The following ARSK variants were observed in gnomAD, a reference collection of about 807,000 sequenced individuals.
ARSK encodes arylsulfatase K.
Under a neutral mutation model 53.2 loss-of-function variants are expected in ARSK, and 37 were observed. The ratio of observed to expected loss-of-function variants is 0.70; its 90% CI spans 0.54 to 0.92. The LOEUF (loss-of-function observed/expected upper bound fraction) is 0.92. Ranked by LOEUF, ARSK falls within the 40% of genes least tolerant of loss-of-function variation. The probability of loss-of-function intolerance (pLI) is 0.00; values close to 1 mark genes in which losing one functional copy is unlikely to be tolerated. For missense variants in ARSK, 613 were observed against 643.0 expected (o/e 0.95, Z 0.51); for synonymous variants, 208 against 223.2 (o/e 0.93, Z 0.61).
At chr5:95,598,748 C>G (rs1019344086) in intron 6 of ARSK, among the ~76,000 whole-genome samples, 1 of 152,186 alleles carries the variant, frequency 6.6e-6, no homozygotes, top group Non-Finnish European at 1.5e-5. Flanking sequence ...CAACTCATCT[C>G]TTATAATTTT....
At position 95,591,491 on chromosome 5, in the gene ARSK, A is replaced by G; in HGVS notation, c.962A>G (p.His321Arg). Residue 321 changes from histidine to arginine, a missense_variant, in exon 6 of 8, where the codon CAT becomes CGT. By Grantham distance (29) the His-to-Arg change is conservative. Transcript: ENST00000380009. ...SSDHGELAME[H>R]RQFYKMSMYE... ...GACCATGGAGAGCTGGCCATGGAACATCGACAGTTTTATAAAATGAGCATG... is the reference window on the plus strand; with the variant it reads ...GACCATGGAGAGCTGGCCATGGAACGTCGACAGTTTTATAAAATGAGCATG... 6.2e-7 allele frequency: 1 copy of G among 1,614,140 alleles called. No homozygotes were observed. Among genetic ancestry groups the G allele is most frequent in the Non-Finnish European group, 8.5e-7 (1 of 1,180,004 alleles).
intron 5 of ARSK, among the ~76,000 whole-genome samples, chr5:95,588,732 G>A (rs1221809626): frequency 6.6e-6 from 1 of 152,000 alleles, no homozygotes; most frequent in African/African-American, 2.4e-5. Context: ...GGGAGGCCGA[G>A]GCAAGCGGAT....
rs1223083080 is a variant in ARSK at position 95,566,092 on chromosome 5, A to C, written c.221A>C (p.Tyr74Ser). ...CGTGGGACTTCCTTTCTGAATGCCT[A>C]CACAAACTCTCCAATTTGTTGCCCA... is the stretch of plus-strand genomic sequence containing the variant. The part of the protein sequence containing the change: ...KTRGTSFLNA[Y>S]TNSPICCPSR... Residue 74 changes from tyrosine (Y) to serine (S), a missense_variant, in exon 2 of 8, where the codon TAC (tyrosine) becomes TCC (serine). Tyr to Ser is a moderately radical substitution (Grantham distance 144). Transcript: ENST00000380009. 1 of 1,613,768 alleles carries C rather than the reference A, an allele frequency of 6.2e-7. No individual in the cohort carries two copies. Among genetic ancestry groups the C allele is most frequent in the Non-Finnish European group, 8.5e-7 (1 of 1,179,878 alleles).
Position 95,586,632 on chromosome 5 carries a change from C to T in ARSK, c.770C>T (p.Ser257Phe), listed in dbSNP as rs1450049745. 23 of 1,611,256 alleles carry T rather than the reference C, an allele frequency of 1.4e-5. No individual in the cohort carries two copies. Among genetic ancestry groups the T allele is most frequent in the Non-Finnish European group, 1.7e-5 (20 of 1,178,574 alleles). ...LSEMHPVDYYSSYTKNCTGRF... is the reference protein window; with the variant it reads ...LSEMHPVDYYFSYTKNCTGRF... ...GAAATGCACCCTGTAGATTATTACT[C>T]TTCTTATACAAAAAACTGCACTGGA... Residue 257 changes from serine to phenylalanine, a missense_variant, in exon 5 of 8, where the codon TCT becomes TTT. Coordinates refer to ENST00000380009, the MANE Select transcript of ARSK (RefSeq NM_198150.3).
At chr5:95,557,388 G>T (rs1193063154) in intron 1 of ARSK, among the ~76,000 whole-genome samples, 2 of 152,072 alleles carry the variant, frequency 1.3e-5, no homozygotes, top group East Asian at 3.8e-4. Flanking sequence ...TTTATTCTTT[G>T]ATTTTTATAC....
intron 6 of ARSK, among the ~76,000 whole-genome samples, chr5:95,596,035 G>A (rs1749302430): frequency 6.6e-6 from 1 of 152,116 alleles, no homozygotes; most frequent in South Asian, 2.1e-4. Context: ...AGCATTAACA[G>A]GCAGAAACTG....
At chr5:95,603,098 A>G (rs1294518517) in intron 7 of ARSK, 139 bp from the exon 8 acceptor site, 1 of 630,350 alleles carries the variant, frequency 1.6e-6, no homozygotes, top group Non-Finnish European at 2.6e-6. Context: ...TTTACCATTT[A>G]TACTGTCCTT....
In ARSK at chr5:95,555,787, G is replaced by A. The variant is rs1207409055; in HGVS notation, c.126+383G>A. Among the ~76,000 whole-genome samples the A allele has an allele frequency of 6.6e-6, 1 of 152,142 alleles. No individual in the cohort carries two copies. The highest frequency in any genetic ancestry group is 1.5e-5 in the Non-Finnish European group (1 of 68,032). ...TTAGCTTTCCAAAAGTCATTTTCCA[G>A]TTCACCTCAAGTTTGCAGGAATTCA... On this transcript the variant is annotated intron_variant, in intron 1 of 7. Coordinates refer to ENST00000380009, the MANE Select transcript of ARSK (RefSeq NM_198150.3). This position sits in a 1 kb window ranked among gnomAD's most constrained non-coding sequence, Gnocchi z 4.0.
At position 95,555,475 on chromosome 5, in the gene ARSK, C is replaced by T; in HGVS notation, c.126+71C>T. 2.6e-6 allele frequency: 4 copies of T among 1,513,674 alleles called. No homozygotes were observed. Among genetic ancestry groups the T allele is most frequent in the East Asian group, 2.4e-5 (1 of 41,450 alleles). 93.8% of individuals were successfully genotyped at this position (1,513,674 alleles called of 1,614,324 possible). On this transcript the variant is annotated intron_variant, in intron 1 of 7. Coordinates refer to ENST00000380009, the MANE Select transcript of ARSK (RefSeq NM_198150.3). The surrounding 1 kb of genome is among the most constrained non-coding windows in gnomAD (Gnocchi z 4.0). ...GACCTCACCGCCGCCGCCTGTGCTG[C>T]AGGCTTTGGGGAGCAGAACCTGAGA...
rs373207960 is a variant in ARSK at position 95,600,822 on chromosome 5, A to C, written c.1097-25A>C. 1.8e-5 allele frequency: 28 copies of C among 1,574,734 alleles called. No homozygotes were observed. In the African/African-American group the frequency reaches 2.8e-4, roughly 16 times the overall value. On this transcript the variant is annotated intron_variant, in intron 6 of 7. Transcript: ENST00000380009. Reference sequence around the variant, plus strand: ...TAATAAAAGAATGAGCTATTTTAAGATATTTGGTTATTTTTGTTACATAGA... The same window carrying C: ...TAATAAAAGAATGAGCTATTTTAAGCTATTTGGTTATTTTTGTTACATAGA...
intron 6 of ARSK, among the ~76,000 whole-genome samples, chr5:95,596,694 C>A (rs981100041): frequency 3.3e-5 from 5 of 152,026 alleles, no homozygotes; most frequent in African/African-American, 1.2e-4. Context: ...GATGGTTATT[C>A]TACCTTCAAT....
chr5:95,561,308 C>G (rs1748632152), intron 1 of ARSK, among the ~76,000 whole-genome samples: 1 of 152,104 alleles, frequency 6.6e-6, no homozygotes, highest in South Asian at 2.1e-4. Context: ...CAACCCATAC[C>G]CTGCTGGTAG....
At chr5:95,559,740 CTGAA>C (rs953332187) in intron 1 of ARSK, among the ~76,000 whole-genome samples, 27 of 152,062 alleles carry the variant, frequency 1.8e-4, no homozygotes, top group African/African-American at 6.5e-4. Context: ...GAACTTTACA[CTGAA>C]TGGTTAAAAG....
chr5:95,590,414 G>A (rs1470983559), intron 5 of ARSK, among the ~76,000 whole-genome samples: 2 of 152,094 alleles, frequency 1.3e-5, no homozygotes, highest in Admixed American at 1.3e-4. Flanking sequence ...GAATTCGACA[G>A]TGGGCATCTA....
chr5:95,591,282 T>G lies in ARSK; in HGVS notation c.872-119T>G, dbSNP rs1749209947. On this transcript the variant is annotated intron_variant, in intron 5 of 7. Coordinates refer to ENST00000380009, the MANE Select transcript of ARSK (RefSeq NM_198150.3). ...CTTAACTTGAGAACAGTAGGTAATA[T>G]TCAGATGTTAAGAAGCATAGTGACA... 3 of 829,548 alleles carry G rather than the reference T, an allele frequency of 3.6e-6. No homozygotes were observed. The Admixed American group carries it at 7.1e-5, about 20-fold the overall frequency. 51.4% of individuals were successfully genotyped at this position (829,548 alleles called of 1,614,324 possible).
Position 95,555,502 on chromosome 5 carries a change from ATTTTC to A in ARSK, c.126+99_126+103del. 7.7e-7 allele frequency: 1 copy of A among 1,303,146 alleles called. No individual in the cohort carries two copies. The highest frequency in any genetic ancestry group is 1.5e-5 in the South Asian group (1 of 68,628). The allele number at this position is 1,303,146 out of a possible 1,614,324, so 80.7% of individuals were successfully genotyped here. ...GGCTTTGGGGAGCAGAACCTGAGACATTTTCAAACACCTTTTACCCCGATGCAAAG... is the reference window on the plus strand; with the variant it reads ...GGCTTTGGGGAGCAGAACCTGAGACAAAACACCTTTTACCCCGATGCAAAG... On this transcript the variant is annotated intron_variant, in intron 1 of 7. Coordinates refer to ENST00000380009, the MANE Select transcript of ARSK (RefSeq NM_198150.3). The surrounding 1 kb of genome is among the most constrained non-coding windows in gnomAD (Gnocchi z 4.0).
chr5:95,583,295 AT>A, intron 4 of ARSK, 97 bp downstream of exon 4: 1 of 1,192,698 alleles, frequency 8.4e-7, no homozygotes, highest in Non-Finnish European at 1.1e-6. Flanking sequence ...TTAAAGAAAA[AT>A]TTGAAAATTG....
intron 3 of ARSK, among the ~76,000 whole-genome samples, chr5:95,572,569 G>C (rs1449868230): frequency 6.6e-6 from 1 of 152,212 alleles, no homozygotes; most frequent in Non-Finnish European, 1.5e-5. Context: ...ACGAGGTCAG[G>C]AGATTGATAC....
intron 5 of ARSK, among the ~76,000 whole-genome samples, chr5:95,591,185 T>C (rs181619233): frequency 6.6e-6 from 1 of 152,164 alleles, no homozygotes; most frequent in African/African-American, 2.4e-5. Flanking sequence ...AGAGTTCCCA[T>C]GGGTATTATA....
Sources: allele counts gnomAD v4.1 joint callset (sites outside exome capture counted in the v4.1 genomes callset), GRCh38; gene constraint gnomAD v4.1.1; non-coding constraint Gnocchi (gnomAD v3.1); transcripts MANE v1.5; gene names NCBI Gene and HGNC (gene_info 2026-07-23, HGNC 2026-07-21).